MBD5: variants seen among roughly 807,000 people sequenced by gnomAD.
MBD5 encodes methyl-CpG-binding domain protein 5.
A neutral mutation model predicts 117.3 loss-of-function variants in MBD5; 13 were observed. That is an observed-to-expected ratio of 0.11 (90% confidence interval 0.07 to 0.18). MBD5 has a LOEUF of 0.18. MBD5 is among the 10% of genes least tolerant of loss of function. The pLI is 1.00. For synonymous variants in MBD5, 727 were observed against 766.4 expected (o/e 0.95, Z 0.85); for missense variants, 1,879 against 2,093.8 (o/e 0.90, Z 2.00).
At chr2:148,396,555 C>T (rs924115618) in intron 4 of MBD5, among the ~76,000 whole-genome samples, 6 of 152,164 alleles carry the variant, frequency 3.9e-5, no homozygotes, top group Admixed American at 3.3e-4. Flanking sequence ...TTTGTAGATC[C>T]GAGTATCACA....
At chr2:148,159,522 G>A (rs1697955665) in intron 1 of MBD5, among the ~76,000 whole-genome samples, 2 of 152,026 alleles carry the variant, frequency 1.3e-5, no homozygotes, top group Non-Finnish European at 2.9e-5. Context: ...CTGAGCTCAA[G>A]CGATCCACCT....
intron 1 of MBD5, among the ~76,000 whole-genome samples, chr2:148,127,309 G>A (rs540438530): frequency 1.3e-5 from 2 of 152,198 alleles, no homozygotes; most frequent in African/African-American, 4.8e-5. Context: ...GTGTGCCATG[G>A]TGGTTTGCTG....
Position 148,469,479 on chromosome 2 carries a change from C to T in MBD5, c.1536C>T (p.Ser512=), listed in dbSNP as rs147908860. The T allele has an allele frequency of 5.0e-5, 81 of 1,613,692 alleles. No individual in the cohort carries two copies. The highest frequency in any genetic ancestry group is 6.4e-5 in the Non-Finnish European group (76 of 1,179,936). Residue 512 remains serine (S), a synonymous_variant, in exon 8 of 14, where the codon TCC becomes TCT. Coordinates refer to ENST00000642680, the MANE Select transcript of MBD5 (RefSeq NM_001378120.1). The part of the protein sequence containing the change: ...PSMPSSPSTK[S]DGHHQYKDIP... The stretch of plus-strand genomic sequence containing the variant: ...TGCCATCAAGCCCTTCTACCAAGTC[C>T]GATGGACATCATCAGTACAAGGATA...
intron 4 of MBD5, among the ~76,000 whole-genome samples, chr2:148,395,100 A>G (rs1329967789): frequency 6.6e-6 from 1 of 152,204 alleles, no homozygotes; most frequent in Non-Finnish European, 1.5e-5. Flanking sequence ...CCATACCTGG[A>G]AAGCTATGAG....
intron 1 of MBD5, among the ~76,000 whole-genome samples, chr2:148,162,367 T>C (rs1385920318): frequency 6.6e-6 from 1 of 152,230 alleles, no homozygotes; most frequent in Non-Finnish European, 1.5e-5. Context: ...AGTCAGCTTC[T>C]GGAGGAACTC....
At chr2:148,247,728 T>C (rs1442565526) in intron 3 of MBD5, among the ~76,000 whole-genome samples, 1 of 152,110 alleles carries the variant, frequency 6.6e-6, no homozygotes, top group Non-Finnish European at 1.5e-5. Context: ...TATACTTCCA[T>C]ACCATTTGAA....
intron 1 of MBD5, among the ~76,000 whole-genome samples, chr2:148,178,164 T>C (rs553676436): frequency 6.6e-6 from 1 of 152,208 alleles, no homozygotes; most frequent in African/African-American, 2.4e-5. Context: ...GCTTTTTTTT[T>C]ATGCTAAGTT....
chr2:148,294,048 C>G (rs574060648), intron 3 of MBD5, among the ~76,000 whole-genome samples: 1 of 152,152 alleles, frequency 6.6e-6, no homozygotes, highest in Non-Finnish European at 1.5e-5. Context: ...TTCTTCATGT[C>G]AGATTATCAA....
At chr2:148,325,142 G>A (rs1702409737) in intron 3 of MBD5, among the ~76,000 whole-genome samples, 1 of 152,136 alleles carries the variant, frequency 6.6e-6, no homozygotes, top group Non-Finnish European at 1.5e-5. Context: ...TATATTTATT[G>A]ATTTGCATAT....
chr2:148,108,141 G>C (rs1343329474), intron 1 of MBD5, among the ~76,000 whole-genome samples: 1 of 151,740 alleles, frequency 6.6e-6, no homozygotes, highest in Non-Finnish European at 1.5e-5. Context: ...AGGGTTGGGG[G>C]TGGGTGGGAA....
intron 12 of MBD5, among the ~76,000 whole-genome samples, chr2:148,507,619 C>T (rs1409686367): frequency 1.3e-5 from 2 of 151,986 alleles, no homozygotes; most frequent in African/African-American, 4.8e-5. Context: ...ATTAGCCGGG[C>T]GCGGTGGCGG....
intron 1 of MBD5, among the ~76,000 whole-genome samples, chr2:148,107,503 CTT>C (rs1696401176): frequency 6.6e-6 from 1 of 151,830 alleles, no homozygotes; most frequent in African/African-American, 2.4e-5. Flanking sequence ...TATTTTACAT[CTT>C]GTCATGTTAT....
intron 1 of MBD5, among the ~76,000 whole-genome samples, chr2:148,092,418 T>C (rs1227482): frequency 0.084 from 12,793 of 152,242 alleles, 609 homozygotes; most frequent in South Asian, 0.14. Flanking sequence ...AGCCTAAATG[T>C]CCATCAACCA....
chr2:148,287,003 T>G (rs1701382578), intron 3 of MBD5, among the ~76,000 whole-genome samples: 1 of 152,214 alleles, frequency 6.6e-6, no homozygotes, highest in Non-Finnish European at 1.5e-5. Flanking sequence ...CATCTTGCCC[T>G]TATTGTTTAA....
chr2:148,486,001 T>TTTC, intron 10 of MBD5, 51 bp downstream of exon 10: 1 of 1,563,656 alleles, frequency 6.4e-7, no homozygotes, highest in Non-Finnish European at 8.8e-7. Flanking sequence ...CTGAGTTTGT[T>TTTC]TAAATACTTA....
chr2:148,231,892 T>C (rs1308306254), intron 2 of MBD5, among the ~76,000 whole-genome samples: 1 of 152,102 alleles, frequency 6.6e-6, no homozygotes, highest in African/African-American at 2.4e-5. Context: ...TGAATGGAAA[T>C]GAAGCAGGTA....
intron 3 of MBD5, among the ~76,000 whole-genome samples, chr2:148,238,011 G>A (rs1700127518): frequency 6.6e-6 from 1 of 152,244 alleles, no homozygotes. Context: ...TAGGTTCTTA[G>A]CACTGCCTAA....
intron 4 of MBD5, among the ~76,000 whole-genome samples, chr2:148,355,948 A>G (rs1406400903): frequency 2.0e-5 from 3 of 152,290 alleles, no homozygotes; most frequent in South Asian, 2.1e-4. Context: ...TTTCCTATCT[A>G]TGAGTATGGA....
At position 148,483,671 on chromosome 2, in the gene MBD5, C is replaced by A; in HGVS notation, c.3080C>A (p.Thr1027Lys). Reference protein sequence around the residue: ...QQQNTPLPSLTQMTAPPDHLP... With the variant: ...QQQNTPLPSLKQMTAPPDHLP... ...CAAAATACCCCTTTACCCTCATTAA[C>A]ACAGATGACAGCCCCACCAGACCAT... is the stretch of plus-strand genomic sequence containing the variant. Residue 1027 changes from threonine to lysine, a missense_variant, in exon 9 of 14, where the codon ACA becomes AAA. Coordinates refer to ENST00000642680, the MANE Select transcript of MBD5 (RefSeq NM_001378120.1). 1 of 1,550,764 alleles carries A rather than the reference C, an allele frequency of 6.4e-7. No homozygotes were observed. Among genetic ancestry groups the A allele is most frequent in the South Asian group, 1.2e-5 (1 of 84,090 alleles).
Sources: gnomAD v4.1 joint callset for allele counts (sites outside exome capture counted in the v4.1 genomes callset) on GRCh38, gnomAD v4.1.1 for gene constraint, MANE v1.5 for transcripts, NCBI Gene and HGNC (gene_info 2026-07-23, HGNC 2026-07-21) for gene names.